TCF15: variants seen among roughly 807,000 people sequenced by gnomAD.
TCF15 encodes the protein TCF-15.
In TCF15, 7 loss-of-function variants were observed where a neutral mutation model predicts 11.1. The ratio of observed to expected loss-of-function variants is 0.63; its 90% CI spans 0.36 to 1.19. The LOEUF (loss-of-function observed/expected upper bound fraction) is 1.19. TCF15 is among the 50% of genes most tolerant of loss of function. The probability of loss-of-function intolerance (pLI) is 0.02; values close to 1 mark genes in which losing one functional copy is unlikely to be tolerated. For missense variants in TCF15, 288 were observed against 289.4 expected (o/e 1.00, Z 0.03); for synonymous variants, 144 against 138.9 (o/e 1.04, Z -0.26).
In TCF15 at chr20:604,317, T is replaced by A; in HGVS notation, c.*274A>T. ...AATTCTCTCTCACACACACTCACAC[T>A]CACGCACAGATACACACACACCCTG... On this transcript the variant is annotated 3_prime_UTR_variant, in exon 2 of 2. Coordinates refer to ENST00000246080, the MANE Select transcript of TCF15 (RefSeq NM_004609.4). This position sits in a 1 kb window ranked among gnomAD's most constrained non-coding sequence, Gnocchi z 4.2. 1.8e-6 allele frequency: 1 copy of A among 552,608 alleles called. No homozygotes were observed. Among genetic ancestry groups the A allele is most frequent in the Non-Finnish European group, 3.3e-6 (1 of 306,042 alleles). 34.2% of individuals were successfully genotyped at this position (552,608 alleles called of 1,614,324 possible). A position where few individuals can be genotyped will look rare whatever the true frequency, so the allele number is the denominator to read the frequency against.
chr20:609,775 C>A lies in TCF15; in HGVS notation c.463G>T (p.Ala155Ser). 7.1e-7 allele frequency: 1 copy of A among 1,412,058 alleles called. No individual in the cohort carries two copies. Among genetic ancestry groups the A allele is most frequent in the South Asian group, 1.6e-5 (1 of 63,978 alleles). The allele number at this position is 1,412,058 out of a possible 1,614,324, so 87.5% of individuals were successfully genotyped here. ...GSAKGAVPAA[A>S]DGGRQPRSIC... ...GAGCGCGGCTGGCGGCCGCCGTCGG[C>A]GGCGGCGGGGACGGCGCCCTTGGCA... The change falls in exon 1 of 2, where the codon GCC becomes TCC. Residue 155 changes from alanine to serine, a missense_variant. Transcript: ENST00000246080. This position sits in a 1 kb window ranked among gnomAD's most constrained non-coding sequence, Gnocchi z 4.7.
Position 604,736 on chromosome 20 carries a change from T to G in TCF15, c.526-71A>C. The G allele has an allele frequency of 8.2e-7, 1 of 1,220,010 alleles. No individual in the cohort carries two copies. The highest frequency in any genetic ancestry group is 1.1e-6 in the Non-Finnish European group (1 of 879,350). The allele number at this position is 1,220,010 out of a possible 1,614,324, so 75.6% of individuals were successfully genotyped here. ...GTGAACACTGGAACTAACCTCTGTA[T>G]CCCTCAAGAGGGATCCTGATCAATA... On this transcript the variant is annotated intron_variant, in intron 1 of 1. Coordinates refer to ENST00000246080, the MANE Select transcript of TCF15 (RefSeq NM_004609.4). The surrounding 1 kb of genome is among the most constrained non-coding windows in gnomAD (Gnocchi z 4.2).
chr20:609,657 G>A lies in TCF15; in HGVS notation c.525+56C>T, dbSNP rs2020005149. 1 of 1,321,836 alleles carries A rather than the reference G, an allele frequency of 7.6e-7. No homozygotes were observed. The highest frequency in any genetic ancestry group is 9.6e-7 in the Non-Finnish European group (1 of 1,043,324). The allele number at this position is 1,321,836 out of a possible 1,614,324, so 81.9% of individuals were successfully genotyped here. The stretch of plus-strand genomic sequence containing the variant: ...GCACCTCTCCGGTTCCCGCAGAGGC[G>A]CTGCCCCCCGCCTACCCCGACCTGG... On this transcript the variant is annotated intron_variant, in intron 1 of 1. Transcript: ENST00000246080. This position sits in a 1 kb window ranked among gnomAD's most constrained non-coding sequence, Gnocchi z 4.7.
chr20:605,814 C>A (rs2122236551), intron 1 of TCF15, among the ~76,000 whole-genome samples: 1 of 152,336 alleles, frequency 6.6e-6, no homozygotes, highest in Non-Finnish European at 1.5e-5. Flanking sequence ...GTTAAAGCAC[C>A]CCCTCTTTTG....
intron 1 of TCF15, among the ~76,000 whole-genome samples, chr20:606,365 A>G (rs1278966963): frequency 6.6e-6 from 1 of 152,186 alleles, no homozygotes; most frequent in Non-Finnish European, 1.5e-5. Flanking sequence ...TCTGGAGGTC[A>G]GCTGGAGACC....
chr20:604,437 G>A lies in TCF15; in HGVS notation c.*154C>T, dbSNP rs1323090842. ...TGGATCCTCACAGCTCTCCAGGATC[G>A]GGTGGAGATGTCCCGAGGGCCCTGC... On this transcript the variant is annotated 3_prime_UTR_variant, in exon 2 of 2. Transcript: ENST00000246080. This position sits in a 1 kb window ranked among gnomAD's most constrained non-coding sequence, Gnocchi z 4.2. 7.1e-6 allele frequency: 5 copies of A among 699,776 alleles called. No homozygotes were observed. The highest frequency in any genetic ancestry group is 5.1e-6 in the Non-Finnish European group (2 of 394,240). 43.3% of individuals were successfully genotyped at this position (699,776 alleles called of 1,614,324 possible). A position where few individuals can be genotyped will look rare whatever the true frequency, so the allele number is the denominator to read the frequency against.
At chr20:607,062 G>A (rs1378177194) in intron 1 of TCF15, among the ~76,000 whole-genome samples, 1 of 152,182 alleles carries the variant, frequency 6.6e-6, no homozygotes, top group Non-Finnish European at 1.5e-5. Context: ...GCTAATCTAG[G>A]TAAAGCCTTG....
chr20:604,631 T>C lies in TCF15; in HGVS notation c.560A>G (p.Lys187Arg), dbSNP rs2019957395. The C allele has an allele frequency of 1.3e-6, 2 of 1,554,054 alleles. No individual in the cohort carries two copies. The highest frequency in any genetic ancestry group is 1.7e-6 in the Non-Finnish European group (2 of 1,148,326). ...GRRDLGGSCL[K>R]VRGVAPLRGP... ...TCGAAGGGGGGCCACCCCCCTCACC[T>C]TCAAGCAGCTGCCCCCCAGGTCACG... Residue 187 changes from lysine to arginine, a missense_variant, in exon 2 of 2, where the codon AAG becomes AGG. Transcript: ENST00000246080. The surrounding 1 kb of genome is among the most constrained non-coding windows in gnomAD (Gnocchi z 4.2).
chr20:605,273 A>G (rs1385636347), intron 1 of TCF15, among the ~76,000 whole-genome samples: 1 of 152,226 alleles, frequency 6.6e-6, no homozygotes, highest in Admixed American at 6.5e-5. Context: ...CAAAACAAGC[A>G]CACCCCACAG....
intron 1 of TCF15, among the ~76,000 whole-genome samples, chr20:606,540 G>A (rs1465905578): frequency 2.0e-5 from 3 of 152,220 alleles, no homozygotes; most frequent in Non-Finnish European, 4.4e-5. Context: ...TGACGGCCGG[G>A]TATGGTGGCT....
rs1210443871 is a variant in TCF15 at position 610,229 on chromosome 20, G to A, written c.9C>T (p.Phe3=). The A allele has an allele frequency of 9.9e-6, 10 of 1,008,564 alleles. No individual in the cohort carries two copies. The South Asian group carries it at 2.3e-4, about 24-fold the overall frequency. The allele number at this position is 1,008,564 out of a possible 1,614,324, so 62.5% of individuals were successfully genotyped here. A position where few individuals can be genotyped will look rare whatever the true frequency, so the allele number is the denominator to read the frequency against. ...GCGCGCCGACGGGCCGCAGCAGCGC[G>A]AACGCCATGGGCGCCGGCCGCGTCC... MA[F]ALLRPVGAHV... The change falls in exon 1 of 2, where the codon TTC becomes TTT. Residue 3 remains phenylalanine (F), a synonymous_variant. Transcript: ENST00000246080.
chr20:609,496 A>C lies in TCF15; in HGVS notation c.525+217T>G, dbSNP rs1257092519. 1.3e-5 allele frequency among the ~76,000 whole-genome samples: 2 copies of C among 152,126 alleles called. No homozygotes were observed. Among genetic ancestry groups the C allele is most frequent in the Non-Finnish European group, 2.9e-5 (2 of 68,034 alleles). On this transcript the variant is annotated intron_variant, in intron 1 of 1. Transcript: ENST00000246080. The surrounding 1 kb of genome is among the most constrained non-coding windows in gnomAD (Gnocchi z 4.7). ...GGGGATATCCCACACTGAGCAGTTAAATCAGACCCGAACTCTGGGTTTTCC... is the reference window on the plus strand; with the variant it reads ...GGGGATATCCCACACTGAGCAGTTACATCAGACCCGAACTCTGGGTTTTCC...
intron 1 of TCF15, among the ~76,000 whole-genome samples, chr20:607,292 C>T (rs2019983598): frequency 6.6e-6 from 1 of 152,170 alleles, no homozygotes; most frequent in Admixed American, 6.5e-5. Flanking sequence ...CTAATTCTAC[C>T]ACAGAGGGCC....
At position 609,876 on chromosome 20, in the gene TCF15, A is replaced by G; in HGVS notation, c.362T>C (p.Ile121Thr). The G allele has an allele frequency of 6.5e-7, 1 of 1,527,302 alleles. No individual in the cohort carries two copies. Among genetic ancestry groups the G allele is most frequent in the Admixed American group, 2.0e-5 (1 of 49,610 alleles). 94.6% of individuals were successfully genotyped at this position (1,527,302 alleles called of 1,614,324 possible). ...IETVRLASSY[I>T]AHLANVLLLG... ...CAGCAGCACGTTGGCCAGGTGCGCG[A>G]TGTAGCTGGACGCCAGGCGCACGGT... Residue 121 changes from isoleucine (I) to threonine (T), a missense_variant, in exon 1 of 2, where the codon ATC becomes ACC. By Grantham distance (89) the Ile-to-Thr change is moderately conservative. Coordinates refer to ENST00000246080, the MANE Select transcript of TCF15 (RefSeq NM_004609.4). The surrounding 1 kb of genome is among the most constrained non-coding windows in gnomAD (Gnocchi z 4.7).
chr20:607,763 C>T (rs2019989015), intron 1 of TCF15, among the ~76,000 whole-genome samples: 1 of 152,234 alleles, frequency 6.6e-6, no homozygotes, highest in African/African-American at 2.4e-5. Context: ...ACCTATCCCA[C>T]GTCCCAACCA....
chr20:604,409 G>A lies in TCF15; in HGVS notation c.*182C>T. Reference sequence around the variant, plus strand: ...CTGACCAGCCAGAGCTGGGCAGGCTGAATGGATCCTCACAGCTCTCCAGGA... The same window carrying A: ...CTGACCAGCCAGAGCTGGGCAGGCTAAATGGATCCTCACAGCTCTCCAGGA... On this transcript the variant is annotated 3_prime_UTR_variant, in exon 2 of 2. Coordinates refer to ENST00000246080, the MANE Select transcript of TCF15 (RefSeq NM_004609.4). The surrounding 1 kb of genome is among the most constrained non-coding windows in gnomAD (Gnocchi z 4.2). The A allele has an allele frequency of 1.6e-6, 1 of 637,908 alleles. No individual in the cohort carries two copies. The highest frequency in any genetic ancestry group is 2.8e-6 in the Non-Finnish European group (1 of 356,840). 39.5% of individuals were successfully genotyped at this position (637,908 alleles called of 1,614,324 possible).
Position 608,820 on chromosome 20 carries a change from T to C in TCF15, c.525+893A>G, listed in dbSNP as rs45590834. Among the ~76,000 whole-genome samples, 1,406 of 152,266 alleles carry C rather than the reference T, an allele frequency of 9.2e-3. 17 individuals are homozygous for C. The highest frequency in any genetic ancestry group is 0.031 in the African/African-American group (1,287 of 41,532). On this transcript the variant is annotated intron_variant, in intron 1 of 1. Transcript: ENST00000246080. ...GAATACAAGTTGTTAGACAGGCTTC[T>C]TTACTGTAGGAAAAGCCCAGGCCAG...
Position 609,685 on chromosome 20 carries a change from G to T in TCF15, c.525+28C>A. Reference sequence around the variant, plus strand: ...GCCCCCCGCCTACCCCGACCTGGCGGCCGCAGCGAGGGACGCAGCACACTC... The same window carrying T: ...GCCCCCCGCCTACCCCGACCTGGCGTCCGCAGCGAGGGACGCAGCACACTC... On this transcript the variant is annotated intron_variant, in intron 1 of 1. Coordinates refer to ENST00000246080, the MANE Select transcript of TCF15 (RefSeq NM_004609.4). This position sits in a 1 kb window ranked among gnomAD's most constrained non-coding sequence, Gnocchi z 4.7. 7.5e-7 allele frequency: 1 copy of T among 1,336,428 alleles called. No individual in the cohort carries two copies. Among genetic ancestry groups the T allele is most frequent in the Non-Finnish European group, 9.5e-7 (1 of 1,051,674 alleles). The allele number at this position is 1,336,428 out of a possible 1,614,324, so 82.8% of individuals were successfully genotyped here. A position where few individuals can be genotyped will look rare whatever the true frequency, so the allele number is the denominator to read the frequency against.
rs536800736 is a variant in TCF15 at position 604,781 on chromosome 20, G to T, written c.526-116C>A. 2 of 817,284 alleles carry T rather than the reference G, an allele frequency of 2.4e-6. No individual in the cohort carries two copies. The highest frequency in any genetic ancestry group is 6.2e-5 in the Admixed American group (2 of 32,184). 50.6% of individuals were successfully genotyped at this position (817,284 alleles called of 1,614,324 possible). On this transcript the variant is annotated intron_variant, in intron 1 of 1. Coordinates refer to ENST00000246080, the MANE Select transcript of TCF15 (RefSeq NM_004609.4). This position sits in a 1 kb window ranked among gnomAD's most constrained non-coding sequence, Gnocchi z 4.2. ...TCAATAAATCACAGTTCAGCCACACGATCAAGTTCTCTGCAACAGAAAGCA... is the reference window on the plus strand; with the variant it reads ...TCAATAAATCACAGTTCAGCCACACTATCAAGTTCTCTGCAACAGAAAGCA...
Sources: allele counts gnomAD v4.1 joint callset (sites outside exome capture counted in the v4.1 genomes callset), GRCh38; gene constraint gnomAD v4.1.1; non-coding constraint Gnocchi (gnomAD v3.1); transcripts MANE v1.5; gene names NCBI Gene and HGNC (gene_info 2026-07-23, HGNC 2026-07-21).